Variants in RIN2 observed in about 807,000 individuals in gnomAD.
The protein encoded by RIN2 is Ras and Rab interactor 2.
RIN2 carries 36 observed loss-of-function variants against 78.0 expected under a neutral mutation model. The ratio of observed to expected loss-of-function variants is 0.46; its 90% CI spans 0.35 to 0.61. RIN2 has a LOEUF of 0.61. Ranked by LOEUF, RIN2 falls within the 20% of genes least tolerant of loss-of-function variation. RIN2 has a pLI of 0.00. For synonymous variants in RIN2, 466 were observed against 466.8 expected, an observed-to-expected ratio of 1.00 and a Z score of 0.02; for missense variants, 1,087 against 1,159.7, an observed-to-expected ratio of 0.94 and a Z score of 0.91.
intron 9 of RIN2, among the ~76,000 whole-genome samples, chr20:19,983,950 T>C (rs571275467): frequency 6.6e-6 from 1 of 152,222 alleles, no homozygotes; most frequent in African/African-American, 2.4e-5. Flanking sequence ...TACATATGTA[T>C]ACATGTGCCG....
At chr20:19,862,883 T>C (rs1311751321) in intron 2 of RIN2, among the ~76,000 whole-genome samples, 2 of 152,124 alleles carry the variant, frequency 1.3e-5, no homozygotes, top group Non-Finnish European at 2.9e-5. Context: ...CACTGCAAGA[T>C]CTTGTCTTTG....
chr20:19,935,516 G>A (rs2040602803), intron 4 of RIN2: 6 of 1,091,340 alleles, frequency 5.5e-6, no homozygotes, highest in East Asian at 6.0e-5. Flanking sequence ...AAGATCCAGC[G>A]TGTGCAAAGT....
Position 19,975,024 on chromosome 20 carries a change from C to T in RIN2, c.999C>T (p.Ser333=), listed in dbSNP as rs2042228891. The change falls in exon 9 of 13, where the codon AGC becomes AGT. Residue 333 remains serine, a synonymous_variant. Transcript: ENST00000255006. This position sits in a 1 kb window ranked among gnomAD's most constrained non-coding sequence, Gnocchi z 4.9. ...PRLARTETQT[S]MPETVNHNKH... Reference sequence around the variant, plus strand: ...TGGCCAGGACTGAAACCCAGACGAGCATGCCAGAAACAGTCAACCATAACA... The same window carrying T: ...TGGCCAGGACTGAAACCCAGACGAGTATGCCAGAAACAGTCAACCATAACA... 1 of 1,613,344 alleles carries T rather than the reference C, an allele frequency of 6.2e-7. No homozygotes were observed. The highest frequency in any genetic ancestry group is 1.1e-5 in the South Asian group (1 of 91,066).
chr20:19,829,492 A>G (rs1212582852), intron 2 of RIN2, among the ~76,000 whole-genome samples: 2 of 152,200 alleles, frequency 1.3e-5, no homozygotes, highest in African/African-American at 4.8e-5. Context: ...TATATCATCT[A>G]CGTTGTATAC....
intron 2 of RIN2, among the ~76,000 whole-genome samples, chr20:19,830,624 G>C (rs2036223810): frequency 6.6e-6 from 1 of 152,220 alleles, no homozygotes; most frequent in African/African-American, 2.4e-5. Flanking sequence ...GTGGAATAAA[G>C]CATGAACAAC....
At chr20:19,835,027 A>AAAAGAG (rs961128406) in intron 2 of RIN2, among the ~76,000 whole-genome samples, 1 of 152,014 alleles carries the variant, frequency 6.6e-6, no homozygotes, top group Non-Finnish European at 1.5e-5. Flanking sequence ...AGAGAGAGAA[A>AAAAGAG]AAAGAGAAAG....
intron 2 of RIN2, among the ~76,000 whole-genome samples, chr20:19,855,753 C>T (rs1342629280): frequency 6.6e-6 from 1 of 152,084 alleles, no homozygotes; most frequent in Non-Finnish European, 1.5e-5. Context: ...ACACCGGAGG[C>T]TTGGGGGAAA....
intron 3 of RIN2, chr20:19,934,518 A>C (rs2040558314): frequency 1.0e-6 from 1 of 985,006 alleles, no homozygotes; most frequent in South Asian, 4.7e-5. Context: ...CATCCACCCC[A>C]GCCTCACTCA....
chr20:19,986,829 C>T (rs1253271652), intron 9 of RIN2, among the ~76,000 whole-genome samples: 1 of 152,180 alleles, frequency 6.6e-6, no homozygotes, highest in Admixed American at 6.5e-5. Context: ...AACTTACATC[C>T]ATAAAGTGTG....
At chr20:19,854,424 T>C (rs1247706886) in intron 2 of RIN2, among the ~76,000 whole-genome samples, 1 of 152,240 alleles carries the variant, frequency 6.6e-6, no homozygotes, top group African/African-American at 2.4e-5. Context: ...AAGAAAGTCA[T>C]TGGTAGCTTG....
chr20:19,886,330 C>T (rs567170891), intron 2 of RIN2, among the ~76,000 whole-genome samples: 15 of 152,276 alleles, frequency 9.9e-5, no homozygotes, highest in Middle Eastern at 3.4e-3. Flanking sequence ...AGCCAGGGGA[C>T]GCAGGAATCC....
chr20:19,969,428 T>C (rs1600987601), intron 7 of RIN2, among the ~76,000 whole-genome samples: 1 of 152,238 alleles, frequency 6.6e-6, no homozygotes, highest in East Asian at 1.9e-4. Flanking sequence ...GTCCTTCCCC[T>C]CATGATTTAA....
chr20:19,963,844 C>T (rs1435953880), intron 6 of RIN2, among the ~76,000 whole-genome samples: 1 of 146,754 alleles, frequency 6.8e-6, no homozygotes, highest in Non-Finnish European at 1.5e-5. Flanking sequence ...CACCATCTTG[C>T]CAGTATGTGT....
intron 4 of RIN2, among the ~76,000 whole-genome samples, chr20:19,947,272 T>G (rs2041136222): frequency 6.6e-6 from 1 of 152,016 alleles, no homozygotes; most frequent in South Asian, 2.1e-4. Flanking sequence ...AAGCTGAGGC[T>G]GAGGCAGGAG....
chr20:19,917,793 C>T (rs768546064), intron 3 of RIN2, among the ~76,000 whole-genome samples: 3 of 152,144 alleles, frequency 2.0e-5, no homozygotes, highest in Admixed American at 1.3e-4. Flanking sequence ...CTTTTAAAGG[C>T]GGAATAGCAT....
intron 4 of RIN2, chr20:19,935,542 CG>C: frequency 1.9e-6 from 2 of 1,037,438 alleles, no homozygotes; most frequent in Non-Finnish European, 2.3e-6. Flanking sequence ...TCAGTGTAGC[CG>C]TGTGAGTCTC....
intron 11 of RIN2, among the ~76,000 whole-genome samples, chr20:19,993,376 G>T (rs183832374): frequency 6.6e-6 from 1 of 152,134 alleles, no homozygotes; most frequent in Admixed American, 6.5e-5. Flanking sequence ...TCCCTGGAGG[G>T]AATGAAATGC....
chr20:19,980,201 G>A (rs1312765367), intron 9 of RIN2, among the ~76,000 whole-genome samples: 1 of 152,062 alleles, frequency 6.6e-6, no homozygotes, highest in Non-Finnish European at 1.5e-5. Flanking sequence ...GTTAACAAGA[G>A]GCAGAGAAAA....
intron 1 of RIN2, among the ~76,000 whole-genome samples, chr20:19,788,426 C>T (rs2034758870): frequency 1.5e-5 from 1 of 65,148 alleles, no homozygotes; most frequent in Non-Finnish European, 2.6e-5. Context: ...GAAATCCTGT[C>T]TCTGCCAAAA....
Sources: gnomAD v4.1 joint callset for allele counts (sites outside exome capture counted in the v4.1 genomes callset) on GRCh38, gnomAD v4.1.1 for gene constraint, Gnocchi (gnomAD v3.1) non-coding constraint, MANE v1.5 for transcripts, NCBI Gene and HGNC (gene_info 2026-07-23, HGNC 2026-07-21) for gene names.